Variants in WDFY1 observed in about 807,000 individuals in gnomAD.
The protein encoded by WDFY1 is WD repeat and FYVE domain-containing protein 1.
In WDFY1, 32 loss-of-function variants were observed where a neutral mutation model predicts 56.4. That is an observed-to-expected ratio of 0.57 (90% CI 0.43 to 0.76). The LOEUF (loss-of-function observed/expected upper bound fraction) is 0.76. WDFY1 is among the 30% of genes least tolerant of loss of function. The pLI is 0.00. For synonymous variants in WDFY1, 192 were observed against 197.3 expected, an observed-to-expected ratio of 0.97 and a Z score of 0.23; for missense variants, 480 against 545.7, an observed-to-expected ratio of 0.88 and a Z score of 1.20.
At chr2:223,925,475 A>G (rs1693964026) in intron 1 of WDFY1, among the ~76,000 whole-genome samples, 1 of 152,186 alleles carries the variant, frequency 6.6e-6, no homozygotes, top group Non-Finnish European at 1.5e-5. Context: ...AGGGGTAATC[A>G]TTTTGCTGGT....
intron 11 of WDFY1, 78 bp downstream of exon 11, chr2:223,880,046 G>T: frequency 8.1e-7 from 1 of 1,238,924 alleles, no homozygotes; most frequent in Non-Finnish European, 1.2e-6. Flanking sequence ...GTCAGAAAGA[G>T]TGACTGTCTC....
rs374141852 is a variant in WDFY1 at position 223,902,358 on chromosome 2, T to C, written c.335-1025A>G. Among the ~76,000 whole-genome samples, 31 of 152,246 alleles carry C rather than the reference T, an allele frequency of 2.0e-4. No homozygotes were observed. In the East Asian group the frequency reaches 5.8e-3, roughly 28 times the overall value. ...CAGGAGGATTGTTTGAGGCCAGGAG[T>C]TGGAGACCAGCCTGGGCAACAAAGC... On this transcript the variant is annotated intron_variant, in intron 4 of 11. Coordinates refer to ENST00000233055, the MANE Select transcript of WDFY1 (RefSeq NM_020830.5).
rs1693327439 is a variant in WDFY1 at position 223,894,422 on chromosome 2, C to T, written c.726-83G>A. On this transcript the variant is annotated intron_variant, in intron 7 of 11. Coordinates refer to ENST00000233055, the MANE Select transcript of WDFY1 (RefSeq NM_020830.5). ...CTTCATTTAGGCTCAAATTGCTCTC[C>T]TCATTAAAATCAGCAAGTGGTATTT... 5 of 1,401,298 alleles carry T rather than the reference C, an allele frequency of 3.6e-6. No homozygotes were observed. In the South Asian group the frequency reaches 3.6e-5, roughly 10 times the overall value. 86.8% of individuals were successfully genotyped at this position (1,401,298 alleles called of 1,614,324 possible). A position where few individuals can be genotyped will look rare whatever the true frequency, so the allele number is the denominator to read the frequency against.
chr2:223,941,482 T>C (rs1689305302), intron 1 of WDFY1, among the ~76,000 whole-genome samples: 1 of 152,146 alleles, frequency 6.6e-6, no homozygotes, highest in African/African-American at 2.4e-5. Flanking sequence ...CACTCCTCTA[T>C]CCATGAAGAC....
chr2:223,912,134 G>A (rs111278663), intron 3 of WDFY1, 119 bp downstream of exon 3: 2 of 1,071,810 alleles, frequency 1.9e-6, no homozygotes, highest in Middle Eastern at 3.0e-4. Flanking sequence ...CATTTTTCAT[G>A]CCAAACAATC....
At chr2:223,911,613 CACAG>C (rs1440667370) in intron 3 of WDFY1, among the ~76,000 whole-genome samples, 2 of 122,050 alleles carry the variant, frequency 1.6e-5, no homozygotes, top group African/African-American at 5.8e-5. Context: ...CACACACACA[CACAG>C]AGTGACAGAG....
intron 4 of WDFY1, among the ~76,000 whole-genome samples, chr2:223,902,961 T>G (rs1693528910): frequency 6.6e-6 from 1 of 152,112 alleles, no homozygotes; most frequent in Non-Finnish European, 1.5e-5. Context: ...TATTTTTTCC[T>G]GGGAAGAGCC....
At chr2:223,897,004 C>T (rs957195451) in intron 6 of WDFY1, among the ~76,000 whole-genome samples, 4 of 152,160 alleles carry the variant, frequency 2.6e-5, no homozygotes, top group African/African-American at 9.7e-5. Context: ...GGTTTCTTCA[C>T]GGGCCTCTGC....
chr2:223,888,249 T>C (rs1231920877), intron 8 of WDFY1, among the ~76,000 whole-genome samples: 1 of 152,004 alleles, frequency 6.6e-6, no homozygotes, highest in Non-Finnish European at 1.5e-5. Flanking sequence ...ACCCAGCAAA[T>C]TTTTTGTACA....
chr2:223,894,870 GTATAA>G (rs1693336302), intron 7 of WDFY1, among the ~76,000 whole-genome samples: 1 of 152,132 alleles, frequency 6.6e-6, no homozygotes, highest in African/African-American at 2.4e-5. Context: ...TTATACTTGT[GTATAA>G]TATGTTTCCT....
At chr2:223,894,587 A>G in intron 7 of WDFY1, 1 of 474,038 alleles carries the variant, frequency 2.1e-6, no homozygotes, top group Non-Finnish European at 3.8e-6. Flanking sequence ...TAGGCCAGAG[A>G]TTTGATGAGG....
intron 1 of WDFY1, among the ~76,000 whole-genome samples, chr2:223,921,266 G>A (rs987332000): frequency 1.3e-5 from 2 of 152,184 alleles, no homozygotes; most frequent in African/African-American, 4.8e-5. Flanking sequence ...TGAGATTAAT[G>A]CTATTCTGTA....
Position 223,886,703 on chromosome 2 carries a change from C to T in WDFY1, c.832-1954G>A, listed in dbSNP as rs564438560. Reference sequence around the variant, plus strand: ...AGAGATTGCACCACGGCACTCCAGCCTAGGCGACAAGAGTGAAACTCCGTC... The same window carrying T: ...AGAGATTGCACCACGGCACTCCAGCTTAGGCGACAAGAGTGAAACTCCGTC... On this transcript the variant is annotated intron_variant, in intron 8 of 11. Coordinates refer to ENST00000233055, the MANE Select transcript of WDFY1 (RefSeq NM_020830.5). 5.5e-4 allele frequency among the ~76,000 whole-genome samples: 65 copies of T among 117,886 alleles called. 1 individual carries two copies. In the South Asian group the frequency reaches 0.018, roughly 32 times the overall value. 77.3% of individuals were successfully genotyped at this position (117,886 alleles called of 152,430 possible). A position where few individuals can be genotyped will look rare whatever the true frequency, so the allele number is the denominator to read the frequency against.
chr2:223,926,764 C>T (rs891254021), intron 1 of WDFY1, among the ~76,000 whole-genome samples: 1 of 152,110 alleles, frequency 6.6e-6, no homozygotes, highest in Non-Finnish European at 1.5e-5. Context: ...GCCTCCTAGG[C>T]TCAAGCGATT....
At chr2:223,884,044 GCTT>G (rs2106071348) in intron 9 of WDFY1, among the ~76,000 whole-genome samples, 1 of 147,920 alleles carries the variant, frequency 6.8e-6, no homozygotes, top group East Asian at 2.0e-4. Flanking sequence ...TTACTTACCT[GCTT>G]TTTTTTTTTT....
rs1335092995 is a variant in WDFY1, at chr2:223,945,135, G to T, written c.137+13C>A. On this transcript the variant is annotated intron_variant, in intron 1 of 11. Transcript: ENST00000233055. ...GCGGAGTTCGGGCCGCCCCGGCTGCGCCCGGGCCCTACCTGTCCTCGCTGG... is the reference window on the plus strand; with the variant it reads ...GCGGAGTTCGGGCCGCCCCGGCTGCTCCCGGGCCCTACCTGTCCTCGCTGG... 6 of 1,579,566 alleles carry T rather than the reference G, an allele frequency of 3.8e-6. No individual in the cohort carries two copies. The East Asian group carries it at 9.5e-5, about 25-fold the overall frequency.
chr2:223,934,076 CTTTTCTTTT>C (rs1369311407), intron 1 of WDFY1, among the ~76,000 whole-genome samples: 2 of 37,624 alleles, frequency 5.3e-5, no homozygotes, highest in African/African-American at 1.3e-4. Flanking sequence ...CAGCCTTTTT[CTTTTCTTTT>C]TTTTTTTTTT....
chr2:223,889,809 T>G (rs1693237008), intron 8 of WDFY1, among the ~76,000 whole-genome samples: 1 of 152,250 alleles, frequency 6.6e-6, no homozygotes, highest in African/African-American at 2.4e-5. Flanking sequence ...TGGGAAGTGT[T>G]CAGAATACTA....
intron 8 of WDFY1, among the ~76,000 whole-genome samples, chr2:223,890,481 T>C (rs1459037637): frequency 1.3e-5 from 2 of 152,128 alleles, no homozygotes; most frequent in Non-Finnish European, 2.9e-5. Context: ...AACAAATAGC[T>C]TTTTAGAACA....
Sources: allele counts gnomAD v4.1 joint callset (sites outside exome capture counted in the v4.1 genomes callset), GRCh38; gene constraint gnomAD v4.1.1; transcripts MANE v1.5; gene names NCBI Gene and HGNC (gene_info 2026-07-23, HGNC 2026-07-21).